The following AGL variants were observed in gnomAD, a reference collection of about 807,000 sequenced individuals.
AGL encodes the protein amylo-alpha-1,6-glucosidase and 4-alpha-glucanotransferase.
In AGL, 128 loss-of-function variants were observed where a neutral mutation model predicts 199.3. The ratio of observed to expected loss-of-function variants is 0.64; its 90% CI spans 0.56 to 0.74. AGL has a LOEUF of 0.74. Among genes scored for constraint, AGL ranks in the 30% least tolerant of loss-of-function variants. The probability of loss-of-function intolerance (pLI) is 0.00; values close to 1 mark genes in which losing one functional copy is unlikely to be tolerated. For synonymous variants in AGL, 584 were observed against 594.7 expected, an observed-to-expected ratio of 0.98 and a Z score of 0.26; for missense variants, 1,809 against 1,820.8, an observed-to-expected ratio of 0.99 and a Z score of 0.12.
chr1:99,912,256 T>C (rs1654799182), intron 28 of AGL, 149 bp from the exon 29 acceptor site: 1 of 590,546 alleles, frequency 1.7e-6, no homozygotes, highest in Admixed American at 3.2e-5. Context: ...AATCTTTACA[T>C]GATATAGTAC....
chr1:99,887,842 G>T, intron 20 of AGL, 136 bp from the exon 21 acceptor site: 4 of 948,986 alleles, frequency 4.2e-6, no homozygotes, highest in Admixed American at 2.1e-5. Context: ...TGAGTATAAT[G>T]TTTATTTGAA....
rs1431965214 is a variant in AGL, at chr1:99,881,569, T to G, written c.2186T>G (p.Ile729Arg). ...QVYVDQVDED[I>R]VAVTRHSPSI... is the part of the protein sequence containing the mutation. ...TATGTGGATCAAGTTGATGAAGACA[T>G]AGTGGCAGTAACAAGACACTCACCT... Residue 729 changes from isoleucine (I) to arginine (R), a missense_variant, in exon 17 of 34, where the codon ATA (isoleucine) becomes AGA (arginine). Transcript: ENST00000361915. 3 of 1,613,856 alleles carry G rather than the reference T, an allele frequency of 1.9e-6. No individual in the cohort carries two copies. Among genetic ancestry groups the G allele is most frequent in the Non-Finnish European group, 2.5e-6 (3 of 1,179,932 alleles).
chr1:99,865,313 A>G (rs1279400672), intron 5 of AGL, among the ~76,000 whole-genome samples: 1 of 152,192 alleles, frequency 6.6e-6, no homozygotes, highest in Non-Finnish European at 1.5e-5. Context: ...GAGCTCTGGT[A>G]CTATAGTACT....
intron 26 of AGL, among the ~76,000 whole-genome samples, chr1:99,902,272 TGA>T (rs1398574033): frequency 1.3e-5 from 2 of 152,160 alleles, no homozygotes; most frequent in East Asian, 1.9e-4. Flanking sequence ...TCCTCAAATT[TGA>T]GAGTTTCCCT....
chr1:99,876,625 T>C, intron 11 of AGL, 28 bp downstream of exon 11: 1 of 1,612,998 alleles, frequency 6.2e-7, no homozygotes, highest in Non-Finnish European at 8.5e-7. Flanking sequence ...TCTCTGTGGA[T>C]GGGGAAAGAA....
rs765359858 is a variant in AGL at position 99,874,676 on chromosome 1, CT to C, written c.959-8del. On this transcript the variant is annotated splice_polypyrimidine_tract_variant and intron_variant, in intron 7 of 33. Transcript: ENST00000361915. Reference sequence around the variant, plus strand: ...ATTTGCATTTAAGGTATCGTCTTTTCTTTCTTTTAGAAAATAGGCGAGTAAC... The same window carrying C: ...ATTTGCATTTAAGGTATCGTCTTTTCTTCTTTTAGAAAATAGGCGAGTAAC... 1.9e-6 allele frequency: 3 copies of C among 1,607,552 alleles called. No individual in the cohort carries two copies. The South Asian group carries it at 3.3e-5, about 18-fold the overall frequency.
chr1:99,865,733 A>G (rs1650450154), intron 5 of AGL, among the ~76,000 whole-genome samples: 1 of 152,252 alleles, frequency 6.6e-6, no homozygotes. Flanking sequence ...TTTAAAAGAT[A>G]CAATCTGCTG....
chr1:99,917,732 A>G (rs555863951), intron 33 of AGL, among the ~76,000 whole-genome samples: 1 of 152,184 alleles, frequency 6.6e-6, no homozygotes, highest in South Asian at 2.1e-4. Flanking sequence ...CTTTAGGTTT[A>G]TAGTATATGT....
chr1:99,909,948 T>C (rs1654614661), intron 27 of AGL, among the ~76,000 whole-genome samples: 4 of 152,238 alleles, frequency 2.6e-5, no homozygotes. Context: ...TAATATATAC[T>C]ATAATCAATA....
chr1:99,864,736 T>G, intron 5 of AGL, 147 bp downstream of exon 5: 1 of 703,736 alleles, frequency 1.4e-6, no homozygotes, highest in Non-Finnish European at 2.4e-6. Context: ...TTAGGTGTCC[T>G]TCTGTTTAAA....
At chr1:99,919,775 A>C (rs1470165702) in intron 33 of AGL, among the ~76,000 whole-genome samples, 3 of 152,154 alleles carry the variant, frequency 2.0e-5, no homozygotes, top group Non-Finnish European at 4.4e-5. Context: ...CACCACATAG[A>C]GTCTGCTCAC....
At position 99,851,098 on chromosome 1, in the gene AGL, A is replaced by G. The variant is rs1486386303; in HGVS notation, c.56A>G (p.Glu19Gly). The G allele has an allele frequency of 2.5e-6, 4 of 1,614,020 alleles. No homozygotes were observed. Among genetic ancestry groups the G allele is most frequent in the Non-Finnish European group, 3.4e-6 (4 of 1,179,910 alleles). The change falls in exon 2 of 34, where the codon GAA becomes GGA. Residue 19 changes from glutamate to glycine, a missense_variant. Glu to Gly is a moderately conservative substitution (Grantham distance 98). Transcript: ENST00000361915. Reference protein sequence around the residue: ...ILLLNEMEKLEKTLFRLEQGY... With the variant: ...ILLLNEMEKLGKTLFRLEQGY... ...CTTCTGAACGAAATGGAGAAACTGG[A>G]AAAGACCCTCTTCAGACTTGAACAA...
chr1:99,916,689 T>C lies in AGL; in HGVS notation c.4439T>C (p.Leu1480Ser), dbSNP rs776015923. The C allele has an allele frequency of 1.2e-6, 2 of 1,613,448 alleles. No individual in the cohort carries two copies. The highest frequency in any genetic ancestry group is 1.7e-6 in the Non-Finnish European group (2 of 1,179,598). ...GAGACTACTGCAAAGACTATAGTTT[T>C]GGTTAAAAATGTTCTTTCCCGACAT... ...GPETTAKTIV[L>S]VKNVLSRHYV... Residue 1480 changes from leucine to serine, a missense_variant, in exon 33 of 34, where the codon TTG becomes TCG. Leu to Ser is a moderately radical substitution (Grantham distance 145). Transcript: ENST00000361915.
At position 99,915,434 on chromosome 1, in the gene AGL, A is replaced by T. The variant is rs772976797; in HGVS notation, c.4207A>T (p.Ile1403Phe). The T allele has an allele frequency of 8.7e-6, 14 of 1,613,806 alleles. No individual in the cohort carries two copies. In the South Asian group the frequency reaches 1.4e-4, roughly 16 times the overall value. The change falls in exon 31 of 34, where the codon ATT becomes TTT. Residue 1403 changes from isoleucine to phenylalanine, a missense_variant. Physicochemically the swap from Ile to Phe is conservative, Grantham distance 21. Coordinates refer to ENST00000361915, the MANE Select transcript of AGL (RefSeq NM_000642.3). ...TTEKAWKALE[I>F]AEKKLLGPLG... ...AGAAAAAGCATGGAAAGCTTTGGAG[A>T]TTGCAGAAAAAAAATTGCTTGGTCC...
intron 17 of AGL, 144 bp downstream of exon 17, chr1:99,881,835 A>G (rs544804725): frequency 1.3e-4 from 111 of 857,774 alleles, no homozygotes; most frequent in Non-Finnish European, 1.8e-4. Context: ...AAAGAATTTA[A>G]ACTTTTTGGT....
intron 2 of AGL, among the ~76,000 whole-genome samples, chr1:99,857,091 G>C (rs574501551): frequency 2.7e-5 from 4 of 150,306 alleles, no homozygotes; most frequent in African/African-American, 7.3e-5. Context: ...CCTCCCTCCC[G>C]GACGGGGCGG....
rs770701389 is a variant in AGL at position 99,900,816 on chromosome 1, A to AATGTATCC, written c.3544_3551dup (p.Thr1185CysfsTer45). 1.2e-6 allele frequency: 2 copies of AATGTATCC among 1,613,950 alleles called. No individual in the cohort carries two copies. Among genetic ancestry groups the AATGTATCC allele is most frequent in the Non-Finnish European group, 1.7e-6 (2 of 1,179,890 alleles). On this transcript the variant is annotated frameshift_variant, in exon 26 of 34. Coordinates refer to ENST00000361915, the MANE Select transcript of AGL (RefSeq NM_000642.3). LOFTEE classifies it high-confidence loss of function. ...ACATTCTCAAGTGCCCAGTTTCCAG[A>AATGTATCC]ATGTATCCTACAGATGATTCTGCTC...
intron 5 of AGL, 39 bp from the exon 6 acceptor site, chr1:99,870,361 A>G (rs772551102): frequency 2.1e-5 from 34 of 1,581,650 alleles, no homozygotes; most frequent in Non-Finnish European, 2.9e-5. Context: ...GTTTCAATTT[A>G]ATTATGAGAT....
intron 33 of AGL, among the ~76,000 whole-genome samples, chr1:99,918,158 G>A (rs1034747807): frequency 2.0e-5 from 3 of 152,070 alleles, no homozygotes; most frequent in Admixed American, 6.5e-5. Context: ...TTTTCACTAT[G>A]TATAGAATTC....
Sources: gnomAD v4.1 joint callset for allele counts (sites outside exome capture counted in the v4.1 genomes callset) on GRCh38, gnomAD v4.1.1 for gene constraint, MANE v1.5 for transcripts, NCBI Gene and HGNC (gene_info 2026-07-23, HGNC 2026-07-21) for gene names.